Variants in CATSPERE observed in about 807,000 individuals in gnomAD.
The protein encoded by CATSPERE is catsper channel auxiliary subunit epsilon, also known as cation channel sperm-associated auxiliary subunit epsilon.
In CATSPERE, 93 loss-of-function variants were observed where a neutral mutation model predicts 114.1. The ratio of observed to expected loss-of-function variants is 0.81; its 90% CI spans 0.69 to 0.97. The LOEUF is 0.97. Among genes scored for constraint, CATSPERE ranks in the 50% least tolerant of loss-of-function variants. The pLI is 0.00. For synonymous variants in CATSPERE, 341 were observed against 384.1 expected (o/e 0.89, Z 1.31); for missense variants, 1,058 against 1,131.6 (o/e 0.93, Z 0.93).
intron 9 of CATSPERE, among the ~76,000 whole-genome samples, chr1:244,554,631 G>T (rs2148508646): frequency 6.6e-6 from 1 of 152,282 alleles, no homozygotes. Flanking sequence ...GATGGTTAGT[G>T]ATGTTAACTG....
intron 7 of CATSPERE, among the ~76,000 whole-genome samples, chr1:244,518,341 A>C (rs1318626376): frequency 6.6e-6 from 1 of 152,206 alleles, no homozygotes; most frequent in Non-Finnish European, 1.5e-5. Context: ...GTTTCAGTGC[A>C]TTCAGGATTC....
At chr1:244,586,941 C>T (rs1261546497) in intron 13 of CATSPERE, among the ~76,000 whole-genome samples, 1 of 152,192 alleles carries the variant, frequency 6.6e-6, no homozygotes, top group Admixed American at 6.5e-5. Context: ...AAAGCTAAAG[C>T]ATTCATCCAC....
At chr1:244,579,153 C>T (rs937236859) in intron 11 of CATSPERE, among the ~76,000 whole-genome samples, 3 of 152,130 alleles carry the variant, frequency 2.0e-5, no homozygotes, top group African/African-American at 7.2e-5. Flanking sequence ...TAGTGTCACA[C>T]AGCATTTTAA....
chr1:244,508,680 G>C (rs188857738), intron 7 of CATSPERE, among the ~76,000 whole-genome samples: 19 of 151,006 alleles, frequency 1.3e-4, no homozygotes, highest in African/African-American at 4.6e-4. Flanking sequence ...ACATTTTTTT[G>C]GTGGAATCTA....
intron 6 of CATSPERE, among the ~76,000 whole-genome samples, chr1:244,492,932 A>G (rs1372682601): frequency 1.3e-5 from 2 of 150,882 alleles, no homozygotes; most frequent in Non-Finnish European, 3.0e-5. Context: ...ACCACTGCTC[A>G]ATGAAATAAA....
At chr1:244,563,087 G>A (rs567026703) in intron 10 of CATSPERE, among the ~76,000 whole-genome samples, 11 of 152,184 alleles carry the variant, frequency 7.2e-5, no homozygotes, top group Non-Finnish European at 1.5e-4. Context: ...TGGCTGCATA[G>A]TATTCCATGG....
At chr1:244,590,659 G>T (rs1439273769) in intron 14 of CATSPERE, among the ~76,000 whole-genome samples, 1 of 152,102 alleles carries the variant, frequency 6.6e-6, no homozygotes, top group East Asian at 1.9e-4. Flanking sequence ...CTATGGATTT[G>T]CCTGCTCTGA....
At chr1:244,520,374 T>TA (rs1325287426) in intron 8 of CATSPERE, among the ~76,000 whole-genome samples, 1 of 152,222 alleles carries the variant, frequency 6.6e-6, no homozygotes, top group East Asian at 1.9e-4. Context: ...TGTCCCAGCA[T>TA]AATTTGCTGA....
At chr1:244,529,330 A>G (rs1320778165) in intron 8 of CATSPERE, among the ~76,000 whole-genome samples, 1 of 152,022 alleles carries the variant, frequency 6.6e-6, no homozygotes, top group Non-Finnish European at 1.5e-5. Context: ...AGCATTTGTT[A>G]TTGCCTGTCT....
intron 8 of CATSPERE, among the ~76,000 whole-genome samples, chr1:244,551,441 T>C (rs1043246099): frequency 2.0e-5 from 3 of 152,224 alleles, no homozygotes; most frequent in Non-Finnish European, 2.9e-5. Context: ...AATTTATGTA[T>C]ATGTATGTAT....
At chr1:244,592,311 C>A (rs1365923650) in intron 15 of CATSPERE, among the ~76,000 whole-genome samples, 1 of 151,978 alleles carries the variant, frequency 6.6e-6, no homozygotes, top group African/African-American at 2.4e-5. Context: ...TGAATTTTTT[C>A]TAGATTTTAT....
intron 19 of CATSPERE, among the ~76,000 whole-genome samples, chr1:244,616,636 C>T (rs1472142720): frequency 6.6e-6 from 1 of 152,104 alleles, no homozygotes; most frequent in Non-Finnish European, 1.5e-5. Flanking sequence ...TATAAGGAAC[C>T]CACTCCGTGA....
chr1:244,588,566 CTTTAAGTTTTAA>C, intron 14 of CATSPERE, 32 bp downstream of exon 14: 1 of 1,523,212 alleles, frequency 6.6e-7, no homozygotes. Context: ...CTGTGTTACT[CTTTAAGTTTTAA>C]AACAAATGGT....
chr1:244,543,152 G>A (rs1360906032), intron 8 of CATSPERE, among the ~76,000 whole-genome samples: 1 of 152,104 alleles, frequency 6.6e-6, no homozygotes, highest in Non-Finnish European at 1.5e-5. Flanking sequence ...CCAAAGGAAT[G>A]GAAATCAATC....
Position 244,504,453 on chromosome 1 carries a change from A to G in CATSPERE, c.429+5374A>G, listed in dbSNP as rs1051282073. On this transcript the variant is annotated intron_variant, in intron 7 of 21. Coordinates refer to ENST00000366534, the MANE Select transcript of CATSPERE (RefSeq NM_001130957.2). The surrounding 1 kb of genome is among the most constrained non-coding windows in gnomAD (Gnocchi z 4.1). ...ACTGAACCAATATTGTTACATTATT[A>G]TTAATAGAAGTCCATATTTTATTCA... 1.3e-5 allele frequency among the ~76,000 whole-genome samples: 2 copies of G among 152,186 alleles called. No individual in the cohort carries two copies. Among genetic ancestry groups the G allele is most frequent in the African/African-American group, 4.8e-5 (2 of 41,438 alleles).
In CATSPERE at chr1:244,578,938, A is replaced by C. The variant is rs886237291; in HGVS notation, c.1951-2858A>C. 2.0e-5 allele frequency among the ~76,000 whole-genome samples: 3 copies of C among 150,552 alleles called. No individual in the cohort carries two copies. In the Admixed American group the frequency reaches 2.0e-4, roughly 10 times the overall value. Reference sequence around the variant, plus strand: ...GTTTTTCAATTTTCCCTCTCGTTCAACATTTTCTTGTGATGTCATGACTTT... The same window carrying C: ...GTTTTTCAATTTTCCCTCTCGTTCACCATTTTCTTGTGATGTCATGACTTT... On this transcript the variant is annotated intron_variant, in intron 11 of 21. Coordinates refer to ENST00000366534, the MANE Select transcript of CATSPERE (RefSeq NM_001130957.2).
At position 244,617,375 on chromosome 1, in the gene CATSPERE, C is replaced by T. The variant is rs541585842; in HGVS notation, c.2491-154C>T. Reference sequence around the variant, plus strand: ...TTTTTATCAAAGTTTAACCCAGTATCGCTCTTAAAGTGCTATAAAGAGCAC... The same window carrying T: ...TTTTTATCAAAGTTTAACCCAGTATTGCTCTTAAAGTGCTATAAAGAGCAC... On this transcript the variant is annotated intron_variant, in intron 19 of 21. Transcript: ENST00000366534. Among the ~76,000 whole-genome samples the T allele has an allele frequency of 3.3e-4, 50 of 152,230 alleles. 1 individual carries two copies. The highest frequency in any genetic ancestry group is 1.2e-3 in the African/African-American group (48 of 41,536).
rs186989338 is a variant in CATSPERE, at chr1:244,624,172, C to T, written c.2648+6486C>T. On this transcript the variant is annotated intron_variant, in intron 20 of 21. Transcript: ENST00000366534. ...ATTTTTAGTAGAGACAGGGTTTCAC[C>T]GTGTTAGCCAGGATGGTCTCAATCT... 7.2e-3 allele frequency among the ~76,000 whole-genome samples: 964 copies of T among 134,588 alleles called. 23 individuals carry two copies. The East Asian group carries it at 0.11, about 15-fold the overall frequency. 88.3% of individuals were successfully genotyped at this position (134,588 alleles called of 152,430 possible).
chr1:244,593,342 G>C, intron 15 of CATSPERE, 53 bp from the exon 16 acceptor site: 1 of 1,590,230 alleles, frequency 6.3e-7, no homozygotes, highest in East Asian at 2.2e-5. Flanking sequence ...CATGGGTTTA[G>C]TTTTAAGTTT....
Sources: allele counts gnomAD v4.1 joint callset (sites outside exome capture counted in the v4.1 genomes callset), GRCh38; gene constraint gnomAD v4.1.1; non-coding constraint Gnocchi (gnomAD v3.1); transcripts MANE v1.5; gene names NCBI Gene and HGNC (gene_info 2026-07-23, HGNC 2026-07-21).